Variants in FILIP1 observed in about 807,000 individuals in gnomAD.
FILIP1 encodes filamin-A-interacting protein 1.
Under a neutral mutation model 102.1 loss-of-function variants are expected in FILIP1, and 61 were observed. That is an observed-to-expected ratio of 0.60 (90% CI 0.49 to 0.74). FILIP1 has a LOEUF of 0.74. FILIP1 is among the 30% of genes least tolerant of loss of function. The pLI, the probability that FILIP1 is intolerant of heterozygous loss-of-function variation, is 0.00. For synonymous variants in FILIP1, 491 were observed against 526.9 expected (o/e 0.93, Z 0.93); for missense variants, 1,314 against 1,441.2 (o/e 0.91, Z 1.43).
intron 2 of FILIP1, among the ~76,000 whole-genome samples, chr6:75,372,026 T>C (rs1296399275): frequency 6.6e-6 from 1 of 152,038 alleles, no homozygotes; most frequent in Non-Finnish European, 1.5e-5. Flanking sequence ...AAGCAACCCA[T>C]AAAATGGGAG....
At chr6:75,400,362 A>G (rs1482027328) in intron 2 of FILIP1, among the ~76,000 whole-genome samples, 1 of 152,204 alleles carries the variant, frequency 6.6e-6, no homozygotes, top group Non-Finnish European at 1.5e-5. Flanking sequence ...CTTTATAGAC[A>G]CTGTCTATTC....
At chr6:75,326,429 T>A (rs1044730677) in intron 4 of FILIP1, among the ~76,000 whole-genome samples, 2 of 151,974 alleles carry the variant, frequency 1.3e-5, no homozygotes, top group African/African-American at 4.8e-5. Context: ...CACCAAAATC[T>A]CAGAAATCAC....
At chr6:75,301,215 A>G (rs1772827513) in intron 6 of FILIP1, among the ~76,000 whole-genome samples, 1 of 152,204 alleles carries the variant, frequency 6.6e-6, no homozygotes, top group African/African-American at 2.4e-5. Context: ...TTGTTGTAAG[A>G]ACTTTTTCAC....
At chr6:75,464,425 T>C (rs561225583) in intron 1 of FILIP1, among the ~76,000 whole-genome samples, 1 of 152,332 alleles carries the variant, frequency 6.6e-6, no homozygotes, top group African/African-American at 2.4e-5. Context: ...ACAGAAAAAC[T>C]CTGCACACTA....
intron 4 of FILIP1, among the ~76,000 whole-genome samples, chr6:75,337,173 T>C (rs185844726): frequency 1.4e-3 from 210 of 152,320 alleles, no homozygotes; most frequent in African/African-American, 4.9e-3. Flanking sequence ...CAATGTAATA[T>C]AGTGCATGTG....
At chr6:75,306,493 A>G (rs764705986), downstream of FILIP1, among the ~76,000 whole-genome samples, 2 of 152,260 alleles carry the variant, frequency 1.3e-5, no homozygotes, top group African/African-American at 4.8e-5. Flanking sequence ...GTTATGGTAC[A>G]GTAACACTAA....
chr6:75,347,292 T>A (rs558760736), intron 4 of FILIP1, among the ~76,000 whole-genome samples: 1 of 152,224 alleles, frequency 6.6e-6, no homozygotes, highest in Non-Finnish European at 1.5e-5. Flanking sequence ...AATAATTACA[T>A]ATCTTATAGT....
intron 5 of FILIP1, among the ~76,000 whole-genome samples, chr6:75,309,375 C>T (rs1025235243): frequency 6.6e-6 from 1 of 152,194 alleles, no homozygotes; most frequent in African/African-American, 2.4e-5. Flanking sequence ...GCTCCTAACA[C>T]TGTCTTGCTG....
intron 1 of FILIP1, 34 bp from the exon 2 acceptor site, chr6:75,415,012 C>T (rs770084775): frequency 6.4e-7 from 1 of 1,568,178 alleles, no homozygotes; most frequent in Non-Finnish European, 8.6e-7. Flanking sequence ...ATAAGATGTT[C>T]TTTACCACCA....
intron 1 of FILIP1, among the ~76,000 whole-genome samples, chr6:75,424,350 T>G (rs918563346): frequency 3.9e-5 from 6 of 152,180 alleles, no homozygotes; most frequent in Non-Finnish European, 8.8e-5. Flanking sequence ...CCAATAAAAT[T>G]TTTTCTTTTA....
intron 6 of FILIP1, among the ~76,000 whole-genome samples, chr6:75,302,254 G>A (rs1403109980): frequency 2.0e-5 from 3 of 152,016 alleles, no homozygotes; most frequent in Admixed American, 1.3e-4. Flanking sequence ...ACCCAAAAAT[G>A]ACAGTACCTG....
Position 75,308,193 on chromosome 6 carries a change from G to A in FILIP1, c.*498C>T. 1.0e-6 allele frequency: 1 copy of A among 988,142 alleles called. No homozygotes were observed. The allele number at this position is 988,142 out of a possible 1,614,324, so 61.2% of individuals were successfully genotyped here. Reference sequence around the variant, plus strand: ...TTTTAGAGGTCCAGGCCCTGTGATAGCTATGTGATGTTTTTTCCAGCACAT... The same window carrying A: ...TTTTAGAGGTCCAGGCCCTGTGATAACTATGTGATGTTTTTTCCAGCACAT... On this transcript the variant is annotated 3_prime_UTR_variant, in exon 6 of 6. Coordinates refer to ENST00000237172, the MANE Select transcript of FILIP1 (RefSeq NM_015687.5).
intron 1 of FILIP1, among the ~76,000 whole-genome samples, chr6:75,478,202 C>T (rs1779543539): frequency 6.6e-6 from 1 of 152,152 alleles, no homozygotes; most frequent in South Asian, 2.1e-4. Flanking sequence ...ATCAGCTTGG[C>T]TTAAAATGCT....
intron 5 of FILIP1, among the ~76,000 whole-genome samples, chr6:75,310,728 C>T (rs1036494900): frequency 3.9e-5 from 6 of 152,092 alleles, no homozygotes; most frequent in Admixed American, 3.9e-4. Context: ...TAAAATGCAG[C>T]AGAAAGAAGC....
chr6:75,319,833 A>G lies in FILIP1; in HGVS notation c.630-4631T>C, dbSNP rs532871732. On this transcript the variant is annotated intron_variant, in intron 4 of 5. Transcript: ENST00000237172. ...CAACAGAGCAAGACTCCGTCCCCCAAAAAAAAAAAGAAAAGAAAAGAAAAC... is the reference window on the plus strand; with the variant it reads ...CAACAGAGCAAGACTCCGTCCCCCAGAAAAAAAAAGAAAAGAAAAGAAAAC... The G allele has an allele frequency of 2.9e-5, 11 of 385,232 alleles. 1 individual carries two copies. In the South Asian group the frequency reaches 3.3e-4, roughly 11 times the overall value. 23.9% of individuals were successfully genotyped at this position (385,232 alleles called of 1,614,324 possible).
chr6:75,392,743 G>T (rs373494911), intron 2 of FILIP1, among the ~76,000 whole-genome samples: 38 of 152,282 alleles, frequency 2.5e-4, no homozygotes, highest in African/African-American at 8.4e-4. Context: ...GAGGGACCCA[G>T]TGAGAGATGG....
intron 1 of FILIP1, among the ~76,000 whole-genome samples, chr6:75,429,934 T>C (rs937868644): frequency 6.6e-6 from 1 of 152,180 alleles, no homozygotes; most frequent in Admixed American, 6.5e-5. Flanking sequence ...CACACAAAAA[T>C]AAAACATGTT....
At chr6:75,406,683 G>A (rs188129530) in intron 2 of FILIP1, among the ~76,000 whole-genome samples, 78 of 135,104 alleles carry the variant, frequency 5.8e-4, no homozygotes, top group African/African-American at 2.0e-3. Flanking sequence ...TTTTTCAGAC[G>A]GAGTCTTGTT....
intron 1 of FILIP1, among the ~76,000 whole-genome samples, chr6:75,437,797 T>C (rs1267191783): frequency 6.6e-6 from 1 of 152,206 alleles, no homozygotes; most frequent in Non-Finnish European, 1.5e-5. Context: ...AGAGACTAAC[T>C]GGGCATTCCA....
Sources: allele counts gnomAD v4.1 joint callset (sites outside exome capture counted in the v4.1 genomes callset), GRCh38; gene constraint gnomAD v4.1.1; transcripts MANE v1.5; gene names NCBI Gene and HGNC (gene_info 2026-07-23, HGNC 2026-07-21).